ARHGAP10: variants seen among roughly 807,000 people sequenced by gnomAD.
ARHGAP10 encodes rho GTPase-activating protein 10.
ARHGAP10 carries 87 observed loss-of-function variants against 108.6 expected under a neutral mutation model. The observed-to-expected ratio is 0.80, with a 90% CI of 0.67 to 0.96. The LOEUF (loss-of-function observed/expected upper bound fraction) is 0.96, where lower values mean the gene tolerates loss of function less well. Ranked by LOEUF, ARHGAP10 falls within the 40% of genes least tolerant of loss-of-function variation. The pLI is 0.00. For synonymous variants in ARHGAP10, 347 were observed against 341.1 expected (o/e 1.02, Z -0.19); for missense variants, 939 against 954.5 (o/e 0.98, Z 0.21).
chr4:148,062,817 G>T (rs1729679478), intron 20 of ARHGAP10, among the ~76,000 whole-genome samples: 1 of 152,144 alleles, frequency 6.6e-6, no homozygotes, highest in Admixed American at 6.5e-5. Flanking sequence ...ATTAGAAAAA[G>T]TGAATACCTT....
rs1158121095 is a variant in ARHGAP10, at chr4:148,072,302, G to A, written c.*221G>A. On this transcript the variant is annotated 3_prime_UTR_variant, in exon 23 of 23. Coordinates refer to ENST00000336498, the MANE Select transcript of ARHGAP10 (RefSeq NM_024605.4). ...GATCAGGAGGGGAATGTCAGGATTC[G>A]CAAAATGGACTTTTCATTTGTCAAG... is the stretch of plus-strand genomic sequence containing the variant. 6.3e-5 allele frequency: 28 copies of A among 442,390 alleles called. No individual in the cohort carries two copies. Among genetic ancestry groups the A allele is most frequent in the East Asian group, 7.0e-5 (2 of 28,504 alleles). The allele number at this position is 442,390 out of a possible 1,614,324, so 27.4% of individuals were successfully genotyped here.
At chr4:147,834,190 C>G (rs1266138614) in intron 3 of ARHGAP10, among the ~76,000 whole-genome samples, 1 of 152,162 alleles carries the variant, frequency 6.6e-6, no homozygotes, top group East Asian at 1.9e-4. Context: ...ACTCATTAGG[C>G]TGGGAATGGT....
At chr4:147,870,461 AAAG>A (rs766152778) in intron 7 of ARHGAP10, among the ~76,000 whole-genome samples, 17 of 152,246 alleles carry the variant, frequency 1.1e-4, no homozygotes, top group African/African-American at 2.7e-4. Flanking sequence ...TTTTAGTAAA[AAAG>A]CAAAACTTTA....
intron 1 of ARHGAP10, among the ~76,000 whole-genome samples, chr4:147,800,432 C>G (rs1004746674): frequency 2.0e-5 from 3 of 152,110 alleles, no homozygotes; most frequent in Non-Finnish European, 4.4e-5. Flanking sequence ...TTGCATATGT[C>G]GAGGCTCCCC....
At chr4:147,939,691 T>G (rs557686468) in intron 13 of ARHGAP10, 134 bp from the exon 14 acceptor site, 71 of 795,404 alleles carry the variant, frequency 8.9e-5, no homozygotes, top group Non-Finnish European at 1.3e-4. Flanking sequence ...AACACTTGAT[T>G]TTTTCAAAGG....
chr4:147,962,614 A>G (rs139815372), intron 16 of ARHGAP10, among the ~76,000 whole-genome samples: 3 of 152,292 alleles, frequency 2.0e-5, no homozygotes, highest in Non-Finnish European at 4.4e-5. Context: ...ATCATAAATC[A>G]TAGGGCATCT....
intron 1 of ARHGAP10, among the ~76,000 whole-genome samples, chr4:147,750,390 T>C (rs1274923468): frequency 2.6e-5 from 4 of 152,150 alleles, no homozygotes; most frequent in Non-Finnish European, 5.9e-5. Context: ...GAAGAAAGAA[T>C]GGAACGGGAT....
intron 20 of ARHGAP10, among the ~76,000 whole-genome samples, chr4:148,047,365 T>C (rs1205764754): frequency 6.6e-6 from 1 of 152,246 alleles, no homozygotes; most frequent in South Asian, 2.1e-4. Flanking sequence ...CCACTAGTTA[T>C]GCAAACTTTA....
At chr4:148,008,579 C>G (rs1741041545) in intron 18 of ARHGAP10, among the ~76,000 whole-genome samples, 1 of 151,530 alleles carries the variant, frequency 6.6e-6, no homozygotes, top group South Asian at 2.1e-4. Flanking sequence ...TTAGCAGTCC[C>G]CAAATGCTAA....
intron 1 of ARHGAP10, among the ~76,000 whole-genome samples, chr4:147,803,015 C>CTT (rs36037094): frequency 3.5e-4 from 51 of 146,308 alleles, no homozygotes; most frequent in South Asian, 1.1e-3. Flanking sequence ...TTGTTTATTG[C>CTT]TTTTTTTTTT....
At chr4:147,804,298 G>A (rs1163638075) in intron 1 of ARHGAP10, among the ~76,000 whole-genome samples, 2 of 152,094 alleles carry the variant, frequency 1.3e-5, no homozygotes, top group East Asian at 3.8e-4. Flanking sequence ...ATGGCCTGCA[G>A]CTCCATCCAT....
intron 13 of ARHGAP10, among the ~76,000 whole-genome samples, chr4:147,934,343 T>C (rs1737839084): frequency 6.6e-6 from 1 of 152,204 alleles, no homozygotes. Context: ...GGTCTTGGGC[T>C]CCACCAAGGT....
At chr4:147,962,251 C>T (rs916916489) in intron 16 of ARHGAP10, among the ~76,000 whole-genome samples, 13 of 152,208 alleles carry the variant, frequency 8.5e-5, no homozygotes, top group Non-Finnish European at 1.8e-4. Context: ...TTCCTTCTGA[C>T]CCACTGCTAG....
intron 10 of ARHGAP10, among the ~76,000 whole-genome samples, chr4:147,882,160 C>T (rs1212447267): frequency 6.6e-6 from 1 of 151,832 alleles, no homozygotes; most frequent in Non-Finnish European, 1.5e-5. Flanking sequence ...CCAGGGTTGT[C>T]ACTTAAAAAA....
chr4:147,811,892 A>G (rs1010093748), intron 1 of ARHGAP10, among the ~76,000 whole-genome samples: 2 of 152,192 alleles, frequency 1.3e-5, no homozygotes, highest in African/African-American at 4.8e-5. Flanking sequence ...TGGAGCAGAA[A>G]GTGGGCACTT....
rs546927265 is a variant in ARHGAP10, at chr4:147,940,043, A to G, written c.1303+144A>G. On this transcript the variant is annotated intron_variant, in intron 14 of 22. Coordinates refer to ENST00000336498, the MANE Select transcript of ARHGAP10 (RefSeq NM_024605.4). ...AGGAGTTTTCTGCTGAGCAGAGACA[A>G]TTGACCCACAGAAGTAGATTAGTAT... 9.4e-6 allele frequency: 7 copies of G among 743,376 alleles called. No individual in the cohort carries two copies. In the Admixed American group the frequency reaches 1.7e-4, roughly 18 times the overall value. 46.0% of individuals were successfully genotyped at this position (743,376 alleles called of 1,614,324 possible). A position where few individuals can be genotyped will look rare whatever the true frequency, so the allele number is the denominator to read the frequency against.
At chr4:147,940,156 C>T (rs148570475) in intron 14 of ARHGAP10, among the ~76,000 whole-genome samples, 3 of 152,346 alleles carry the variant, frequency 2.0e-5, no homozygotes, top group East Asian at 3.9e-4. Context: ...GTGCTTGCTT[C>T]TCACAGGGAA....
intron 19 of ARHGAP10, among the ~76,000 whole-genome samples, chr4:148,023,894 G>A (rs1043875991): frequency 6.6e-6 from 1 of 152,232 alleles, no homozygotes; most frequent in African/African-American, 2.4e-5. Context: ...GGCAGGGGTG[G>A]CAGGTTGACC....
At chr4:147,890,018 A>G (rs944083052) in intron 10 of ARHGAP10, among the ~76,000 whole-genome samples, 1 of 152,258 alleles carries the variant, frequency 6.6e-6, no homozygotes, top group Non-Finnish European at 1.5e-5. Context: ...ACGAGACAGC[A>G]TATAGCACTG....
Sources: allele counts gnomAD v4.1 joint callset (sites outside exome capture counted in the v4.1 genomes callset), GRCh38; gene constraint gnomAD v4.1.1; transcripts MANE v1.5; gene names NCBI Gene and HGNC (gene_info 2026-07-23, HGNC 2026-07-21).